ELF3: variants seen among roughly 807,000 people sequenced by gnomAD.
ELF3 encodes ETS-related transcription factor Elf-3.
Under a neutral mutation model 43.9 loss-of-function variants are expected in ELF3, and 18 were observed. The observed-to-expected ratio is 0.41, with a 90% CI of 0.28 to 0.61. The LOEUF is 0.61. Ranked by LOEUF, ELF3 falls within the 20% of genes least tolerant of loss-of-function variation. ELF3 has a pLI of 0.30. For missense variants in ELF3, 373 were observed against 487.7 expected (o/e 0.76, Z 2.21); for synonymous variants, 181 against 190.2 (o/e 0.95, Z 0.40).
chr1:202,012,812 C>T lies in ELF3; in HGVS notation c.598+53C>T. 6.5e-7 allele frequency: 1 copy of T among 1,536,342 alleles called. No individual in the cohort carries two copies. ...CCCTTCCCCGAAGTGTCCCTTGTTCCCTCTGGCTCCCAGCACCATAACTCA... is the reference window on the plus strand; with the variant it reads ...CCCTTCCCCGAAGTGTCCCTTGTTCTCTCTGGCTCCCAGCACCATAACTCA... On this transcript the variant is annotated intron_variant, in intron 5 of 8. Coordinates refer to ENST00000367284, the MANE Select transcript of ELF3 (RefSeq NM_004433.5). The surrounding 1 kb of genome is among the most constrained non-coding windows in gnomAD (Gnocchi z 4.2).
Position 202,011,129 on chromosome 1 carries a change from G to A in ELF3, c.-8G>A, listed in dbSNP as rs1462903818. On this transcript the variant is annotated splice_region_variant and 5_prime_UTR_variant, in exon 2 of 9. Transcript: ENST00000367284. ...TCATCCTCTCTCCCCCTACCCACAGGTAGCCTCATGGCTGCAACCTGTGAG... is the reference window on the plus strand; with the variant it reads ...TCATCCTCTCTCCCCCTACCCACAGATAGCCTCATGGCTGCAACCTGTGAG... 1 of 1,613,824 alleles carries A rather than the reference G, an allele frequency of 6.2e-7. No individual in the cohort carries two copies. The highest frequency in any genetic ancestry group is 8.5e-7 in the Non-Finnish European group (1 of 1,179,888).
chr1:202,015,094 G>A, intron 8 of ELF3, 115 bp from the exon 9 acceptor site: 1 of 963,922 alleles, frequency 1.0e-6, no homozygotes, highest in South Asian at 1.4e-5. Context: ...AGCTTAGTCA[G>A]GCAGAGACCA....
chr1:202,010,952 C>A lies in ELF3; in HGVS notation c.-8-177C>A. ...AGCCCAGCTGGAGGCTCCTGTGGTCCTGCCCTGGTCTGAGATCTTGGAGCC... is the reference window on the plus strand; with the variant it reads ...AGCCCAGCTGGAGGCTCCTGTGGTCATGCCCTGGTCTGAGATCTTGGAGCC... On this transcript the variant is annotated intron_variant, in intron 1 of 8. Coordinates refer to ENST00000367284, the MANE Select transcript of ELF3 (RefSeq NM_004433.5). The surrounding 1 kb of genome is among the most constrained non-coding windows in gnomAD (Gnocchi z 4.3). 1 of 644,180 alleles carries A rather than the reference C, an allele frequency of 1.6e-6. No individual in the cohort carries two copies. 39.9% of individuals were successfully genotyped at this position (644,180 alleles called of 1,614,324 possible).
At position 202,011,977 on chromosome 1, in the gene ELF3, G is replaced by T; in HGVS notation, c.184G>T (p.Glu62Ter). The change falls in exon 3 of 9, where the codon GAA becomes TAA. Residue 62 changes from glutamate (E) to a stop codon, truncating the protein, a stop_gained. Coordinates refer to ENST00000367284, the MANE Select transcript of ELF3 (RefSeq NM_004433.5). LOFTEE classifies it high-confidence loss of function. ...EGTEKASWLG[E>*]QPQFWSKTQV... ...TGCAGAGAAGGCCAGCTGGTTGGGG[G>T]AACAGCCCCAGTTCTGGTCGAAGAC... The T allele has an allele frequency of 6.2e-7, 1 of 1,614,062 alleles. No homozygotes were observed. The highest frequency in any genetic ancestry group is 8.5e-7 in the Non-Finnish European group (1 of 1,180,036).
chr1:202,013,990 A>C lies in ELF3; in HGVS notation c.967A>C (p.Asn323His). 6.2e-7 allele frequency: 1 copy of C among 1,613,592 alleles called. No homozygotes were observed. The highest frequency in any genetic ancestry group is 8.5e-7 in the Non-Finnish European group (1 of 1,179,722). ...QLWGQKKKNSNMTYEKLSRAM... is the reference protein window; with the variant it reads ...QLWGQKKKNSHMTYEKLSRAM... ...ATGGGGCCAAAAGAAAAAGAACAGC[A>C]ACATGACCTACGAGAAGCTGAGCCG... is the stretch of plus-strand genomic sequence containing the variant. The change falls in exon 8 of 9, where the codon AAC (asparagine) becomes CAC (histidine). Residue 323 changes from asparagine (N) to histidine (H), a missense_variant. Around this residue, in one of 3 missense-constraint regions of ELF3, gnomAD observed 61 missense variants for 115.9 expected, o/e 0.53. Coordinates refer to ENST00000367284, the MANE Select transcript of ELF3 (RefSeq NM_004433.5). The surrounding 1 kb of genome is among the most constrained non-coding windows in gnomAD (Gnocchi z 5.7).
At chr1:202,011,739 T>C (rs1684201114) in intron 2 of ELF3, 1 of 575,666 alleles carries the variant, frequency 1.7e-6, no homozygotes, top group African/African-American at 1.9e-5. Flanking sequence ...TATCCCAGCG[T>C]GGTGGTGGGC....
chr1:202,015,355 G>A lies in ELF3; in HGVS notation c.*32G>A, dbSNP rs767040470. ...GAACTATACCCGGGACCAAACTCAC[G>A]GACCACTCGAGGCCTGCAAACCTTC... On this transcript the variant is annotated 3_prime_UTR_variant, in exon 9 of 9. Coordinates refer to ENST00000367284, the MANE Select transcript of ELF3 (RefSeq NM_004433.5). 2.9e-5 allele frequency: 46 copies of A among 1,609,080 alleles called. No homozygotes were observed. Among genetic ancestry groups the A allele is most frequent in the South Asian group, 2.4e-4 (22 of 90,820 alleles).
chr1:202,015,064 A>G (rs1684284840), intron 8 of ELF3, 145 bp from the exon 9 acceptor site: 3 of 689,884 alleles, frequency 4.3e-6, no homozygotes, highest in Middle Eastern at 7.9e-4. Flanking sequence ...AGAGGAGTTT[A>G]GGAAGTGTGA....
rs373819665 is a variant in ELF3 at position 202,012,270 on chromosome 1, G to A, written c.386-74G>A. ...CCGTAGGCAGGCCCTGGAGCTCTGG[G>A]CCAGCTGCACAGCCAGAGAGAGCCC... On this transcript the variant is annotated intron_variant, in intron 3 of 8. Transcript: ENST00000367284. The surrounding 1 kb of genome is among the most constrained non-coding windows in gnomAD (Gnocchi z 4.2). The A allele has an allele frequency of 3.5e-5, 57 of 1,607,016 alleles. 1 individual carries two copies. The African/African-American group carries it at 7.1e-4, about 20-fold the overall frequency.
In ELF3 at chr1:202,012,205, G is replaced by A. The variant is rs2102992330; in HGVS notation, c.385+27G>A. ...TGAGTCCAGGCCCCTGGAGGCTGGG[G>A]AGCAGCTCCACATGTTGAGCTGAGT... On this transcript the variant is annotated intron_variant, in intron 3 of 8. Transcript: ENST00000367284. The surrounding 1 kb of genome is among the most constrained non-coding windows in gnomAD (Gnocchi z 4.2). 6.2e-7 allele frequency: 1 copy of A among 1,609,934 alleles called. No individual in the cohort carries two copies. The highest frequency in any genetic ancestry group is 8.5e-7 in the Non-Finnish European group (1 of 1,178,412).
intron 1 of ELF3, 39 bp from the exon 2 acceptor site, chr1:202,011,062 AGCTGGGAGTGTAAGGAGAGGACCCTCGT>A: frequency 6.3e-7 from 1 of 1,581,126 alleles, no homozygotes; most frequent in Non-Finnish European, 8.6e-7. Context: ...AAAGCAGAGT[AGCTGGGAGTGTAAGGAGAGGACCCTCGT>A]CCCCTCACCA....
intron 8 of ELF3, 36 bp from the exon 9 acceptor site, chr1:202,015,173 G>A (rs2102994899): frequency 6.2e-7 from 1 of 1,611,724 alleles, no homozygotes; most frequent in Non-Finnish European, 8.5e-7. Flanking sequence ...CCCATTTCCT[G>A]CCAAAGCACC....
chr1:202,013,170 C>T lies in ELF3; in HGVS notation c.689-12C>T. 6.2e-7 allele frequency: 1 copy of T among 1,613,728 alleles called. No homozygotes were observed. Among genetic ancestry groups the T allele is most frequent in the Non-Finnish European group, 8.5e-7 (1 of 1,179,798 alleles). On this transcript the variant is annotated splice_polypyrimidine_tract_variant and intron_variant, in intron 6 of 8. Coordinates refer to ENST00000367284, the MANE Select transcript of ELF3 (RefSeq NM_004433.5). This position sits in a 1 kb window ranked among gnomAD's most constrained non-coding sequence, Gnocchi z 5.7. ...CTTGCCCCTCCTTGACCTTCCACCA[C>T]CGTCCCCACAGATGGTTTTCGTGAC...
chr1:202,013,359 G>A lies in ELF3; in HGVS notation c.805+61G>A. 4 of 1,536,590 alleles carry A rather than the reference G, an allele frequency of 2.6e-6. No individual in the cohort carries two copies. The South Asian group carries it at 4.6e-5, about 18-fold the overall frequency. On this transcript the variant is annotated intron_variant, in intron 7 of 8. Transcript: ENST00000367284. The surrounding 1 kb of genome is among the most constrained non-coding windows in gnomAD (Gnocchi z 5.7). ...GGGCTGAGCGGCTTCCTGGGGCACT[G>A]CGGGTTGTTGCAGGTATCCCTTCTC...
At position 202,011,156 on chromosome 1, in the gene ELF3, T is replaced by C. The variant is rs375019397; in HGVS notation, c.20T>C (p.Ile7Thr). The change falls in exon 2 of 9, where the codon ATT becomes ACT. Residue 7 changes from isoleucine to threonine, a missense_variant. By Grantham distance (89) the Ile-to-Thr change is moderately conservative. Coordinates refer to ENST00000367284, the MANE Select transcript of ELF3 (RefSeq NM_004433.5). MAATCE[I>T]SNIFSNYFSA... is the part of the protein sequence containing the mutation. ...AGCCTCATGGCTGCAACCTGTGAGA[T>C]TAGCAACATTTTTAGCAACTACTTC... The C allele has an allele frequency of 7.2e-5, 117 of 1,614,000 alleles. No individual in the cohort carries two copies. Among genetic ancestry groups the C allele is most frequent in the Non-Finnish European group, 9.6e-5 (113 of 1,180,004 alleles).
At chr1:202,015,040 C>A in intron 8 of ELF3, 169 bp from the exon 9 acceptor site, 1 of 603,098 alleles carries the variant, frequency 1.7e-6, no homozygotes, top group Non-Finnish European at 3.0e-6. Context: ...CTTCTGCTTG[C>A]CAGTGTGAAG....
Position 202,015,348 on chromosome 1 carries a change from A to T in ELF3, c.*25A>T, listed in dbSNP as rs1413890566. 8.1e-6 allele frequency: 13 copies of T among 1,612,008 alleles called. No individual in the cohort carries two copies. Among genetic ancestry groups the T allele is most frequent in the Non-Finnish European group, 1.1e-5 (13 of 1,178,800 alleles). On this transcript the variant is annotated 3_prime_UTR_variant, in exon 9 of 9. Coordinates refer to ENST00000367284, the MANE Select transcript of ELF3 (RefSeq NM_004433.5). ...AGGGTTGGAACTATACCCGGGACCA[A>T]ACTCACGGACCACTCGAGGCCTGCA...
Position 202,015,916 on chromosome 1 carries a change from G to A in ELF3, c.*593G>A, listed in dbSNP as rs932184930. The A allele has an allele frequency of 6.6e-6, 1 of 152,386 alleles. No homozygotes were observed. The highest frequency in any genetic ancestry group is 2.4e-5 in the African/African-American group (1 of 41,434). 9.4% of individuals were successfully genotyped at this position (152,386 alleles called of 1,614,324 possible). ...GTTCCAGGCCCTCCAGTGGGCTGAT[G>A]CTGGGACCCTTAGGATGGGGCTCCC... On this transcript the variant is annotated 3_prime_UTR_variant, in exon 9 of 9. Coordinates refer to ENST00000367284, the MANE Select transcript of ELF3 (RefSeq NM_004433.5).
chr1:202,013,279 G>C lies in ELF3; in HGVS notation c.786G>C (p.Glu262Asp). ...GCAAAGAGTACTGGGACTGTCTCGA[G>C]GGCAAGAAGAGCAAGCACGGTGAGC... ...KLSKEYWDCLEGKKSKHAPRG... is the reference protein window; with the variant it reads ...KLSKEYWDCLDGKKSKHAPRG... Residue 262 changes from glutamate (E) to aspartate (D), a missense_variant, in exon 7 of 9, where the codon GAG (glutamate) becomes GAC (aspartate). Coordinates refer to ENST00000367284, the MANE Select transcript of ELF3 (RefSeq NM_004433.5). The surrounding 1 kb of genome is among the most constrained non-coding windows in gnomAD (Gnocchi z 5.7). The C allele has an allele frequency of 6.2e-7, 1 of 1,613,974 alleles. No individual in the cohort carries two copies. Among genetic ancestry groups the C allele is most frequent in the Non-Finnish European group, 8.5e-7 (1 of 1,179,864 alleles).
Sources: allele counts gnomAD v4.1 joint callset, GRCh38; gene constraint gnomAD v4.1.1; regional missense constraint gnomAD v4.1.1; non-coding constraint Gnocchi (gnomAD v3.1); transcripts MANE v1.5; gene names NCBI Gene and HGNC (gene_info 2026-07-23, HGNC 2026-07-21).